The following HPSE2 variants were observed in gnomAD, a reference collection of about 807,000 sequenced individuals.
HPSE2 encodes the protein heparanase 2 (inactive).
A neutral mutation model predicts 60.5 loss-of-function variants in HPSE2; 38 were observed. The observed-to-expected ratio is 0.63, with a 90% CI of 0.48 to 0.82. The LOEUF (loss-of-function observed/expected upper bound fraction) is 0.82. Among genes scored for constraint, HPSE2 ranks in the 40% least tolerant of loss-of-function variants. The pLI is 0.00. For missense variants in HPSE2, 713 were observed against 740.4 expected (o/e 0.96, Z 0.43); for synonymous variants, 295 against 293.2 (o/e 1.01, Z -0.06).
rs1459158965 is a variant in HPSE2, at chr10:98,541,938, T to C, written c.1321-51742A>G. 2.6e-5 allele frequency among the ~76,000 whole-genome samples: 4 copies of C among 151,542 alleles called. No homozygotes were observed. In the East Asian group the frequency reaches 7.9e-4, roughly 30 times the overall value. ...GCAGTAACCTCTGCAGACTTAAATG[T>C]CCCTGTCTGACAGCTTTGAAGAGAG... On this transcript the variant is annotated intron_variant, in intron 9 of 11. Transcript: ENST00000370552.
In HPSE2 at chr10:99,235,545, G is replaced by A; in HGVS notation, c.258C>T (p.Ser86=). 15 of 1,614,066 alleles carry A rather than the reference G, an allele frequency of 9.3e-6. No homozygotes were observed. Among genetic ancestry groups the A allele is most frequent in the Non-Finnish European group, 1.3e-5 (15 of 1,180,012 alleles). ...AATCGAGCCAGCCATCATGAATGATGGACGGATCCAGCTGCAGAGAGAGGA... is the reference window on the plus strand; with the variant it reads ...AATCGAGCCAGCCATCATGAATGATAGACGGATCCAGCTGCAGAGAGAGGA... The part of the protein sequence containing the change: ...ENFLSLQLDP[S]IIHDGWLDFL... Residue 86 remains serine (S), a synonymous_variant, in exon 1 of 12, where the codon TCC becomes TCT. Transcript: ENST00000370552.
chr10:99,294,606 A>C, the HPSE2 span, among the ~76,000 whole-genome samples: 2 of 151,604 alleles, frequency 1.3e-5, no homozygotes, highest in Non-Finnish European at 2.9e-5. Context: ...GTAAATTAGC[A>C]ATCTACTGGG....
At chr10:98,849,471 T>C (rs1952115942) in intron 3 of HPSE2, among the ~76,000 whole-genome samples, 1 of 152,158 alleles carries the variant, frequency 6.6e-6, no homozygotes, top group African/African-American at 2.4e-5. Context: ...CAACCATCCT[T>C]CTGCTTACAA....
At chr10:98,852,155 G>T (rs1565210264) in intron 3 of HPSE2, among the ~76,000 whole-genome samples, 1 of 130,906 alleles carries the variant, frequency 7.6e-6, no homozygotes, top group African/African-American at 3.4e-5. Flanking sequence ...GTGTGTGTGT[G>T]TGTGTGTGTG....
chr10:98,577,681 GC>G (rs1944680305), intron 9 of HPSE2, among the ~76,000 whole-genome samples: 1 of 152,142 alleles, frequency 6.6e-6, no homozygotes, highest in Admixed American at 6.5e-5. Context: ...GTACTTTGGA[GC>G]CCTCATTCCA....
chr10:99,047,666 A>T, intron 3 of HPSE2: 1 of 771,822 alleles, frequency 1.3e-6, no homozygotes, highest in Non-Finnish European at 2.3e-6. Flanking sequence ...GAAGAAGAAG[A>T]CGGTTCCTGC....
rs1243217388 is a variant in HPSE2 at position 99,232,400 on chromosome 10, C to T, written c.396G>A (p.Ala132=). Residue 132 remains alanine (A), a synonymous_variant, in exon 2 of 12, where the codon GCG becomes GCA. Coordinates refer to ENST00000370552, the MANE Select transcript of HPSE2 (RefSeq NM_021828.5). Reference sequence around the variant, plus strand: ...CCGGGCCCGGGCCCCCGCGGCTTTTCGCCGGGTTCCTCAGGTTCTGGAACT... The same window carrying T: ...CCGGGCCCGGGCCCCCGCGGCTTTTTGCCGGGTTCCTCAGGTTCTGGAACT... The part of the protein sequence containing the change: ...FLQFQNLRNP[A]KSRGGPGPDY... 2 of 1,552,104 alleles carry T rather than the reference C, an allele frequency of 1.3e-6. No individual in the cohort carries two copies. Among genetic ancestry groups the T allele is most frequent in the East Asian group, 2.4e-5 (1 of 40,996 alleles).
At chr10:98,973,926 C>T (rs1468092488) in intron 3 of HPSE2, among the ~76,000 whole-genome samples, 1 of 152,020 alleles carries the variant, frequency 6.6e-6, no homozygotes, top group African/African-American at 2.4e-5. Context: ...ACCCCTATTA[C>T]CAATACACCA....
At chr10:99,110,729 T>C (rs1046090609) in intron 3 of HPSE2, among the ~76,000 whole-genome samples, 2 of 152,150 alleles carry the variant, frequency 1.3e-5, no homozygotes, top group African/African-American at 4.8e-5. Context: ...CCAAAAAAAT[T>C]GCAAAAGCAT....
intron 9 of HPSE2, among the ~76,000 whole-genome samples, chr10:98,581,499 TA>T (rs755500956): frequency 1.8e-4 from 28 of 152,234 alleles, no homozygotes; most frequent in Admixed American, 3.3e-4. Context: ...AAATAATATA[TA>T]TATTTTTACT....
In HPSE2 at chr10:98,459,739, C is replaced by A. The variant is rs1237549253; in HGVS notation, c.1614G>T (p.Lys538Asn). ...AGGGCTGGCCATTCAGTTGCACTGACCTACAGTGAGGAAAAACAGTATGGG... is the reference window on the plus strand; with the variant it reads ...AGGGCTGGCCATTCAGTTGCACTGAACTACAGTGAGGAAAAACAGTATGGG... ...QPYGQEGLKS[K>N]SVQLNGQPLV... Residue 538 changes from lysine to asparagine, a missense_variant and splice_region_variant, in exon 12 of 12, where the codon AAG (lysine) becomes AAT (asparagine). Transcript: ENST00000370552. 3.7e-6 allele frequency: 6 copies of A among 1,612,906 alleles called. No individual in the cohort carries two copies. Among genetic ancestry groups the A allele is most frequent in the Non-Finnish European group, 5.1e-6 (6 of 1,179,492 alleles).
intron 9 of HPSE2, among the ~76,000 whole-genome samples, chr10:98,534,351 T>A (rs1481322221): frequency 6.6e-6 from 1 of 152,210 alleles, no homozygotes; most frequent in Non-Finnish European, 1.5e-5. Flanking sequence ...CCTGAGATTT[T>A]TTTCACCCCA....
chr10:98,858,848 C>T (rs2134767190), intron 3 of HPSE2, among the ~76,000 whole-genome samples: 1 of 152,298 alleles, frequency 6.6e-6, no homozygotes, highest in East Asian at 1.9e-4. Context: ...GAATACATTG[C>T]ACCATGGAAA....
At chr10:98,603,451 GAC>G in intron 9 of HPSE2, among the ~76,000 whole-genome samples, 1 of 46,744 alleles carries the variant, frequency 2.1e-5, no homozygotes, top group South Asian at 1.0e-3. Flanking sequence ...TTTTTTTTTT[GAC>G]AGAGTCTTGC....
intron 7 of HPSE2, among the ~76,000 whole-genome samples, chr10:98,622,372 A>G (rs1946096470): frequency 6.6e-6 from 1 of 152,220 alleles, no homozygotes; most frequent in African/African-American, 2.4e-5. Context: ...TGAAAATTAA[A>G]ACAAAAACAA....
At chr10:99,205,720 G>C (rs2133895375) in intron 2 of HPSE2, among the ~76,000 whole-genome samples, 1 of 152,316 alleles carries the variant, frequency 6.6e-6, no homozygotes, top group Middle Eastern at 3.4e-3. Flanking sequence ...ATAAAATGCA[G>C]TATTAAACCA....
At chr10:98,527,356 C>T (rs927364397) in intron 9 of HPSE2, among the ~76,000 whole-genome samples, 2 of 152,206 alleles carry the variant, frequency 1.3e-5, no homozygotes, top group Non-Finnish European at 2.9e-5. Context: ...GTGATCCGCA[C>T]ACTCTGCATG....
intron 3 of HPSE2, among the ~76,000 whole-genome samples, chr10:98,800,074 T>C (rs1390427762): frequency 6.6e-6 from 1 of 151,876 alleles, no homozygotes; most frequent in Non-Finnish European, 1.5e-5. Flanking sequence ...AAGACCCTAA[T>C]AAATAAAACC....
chr10:98,669,762 A>C (rs1204508596), intron 6 of HPSE2, among the ~76,000 whole-genome samples: 1 of 152,284 alleles, frequency 6.6e-6, no homozygotes, highest in East Asian at 1.9e-4. Context: ...GTGGGATGAA[A>C]AACCATCTGT....
Sources: allele counts gnomAD v4.1 joint callset (sites outside exome capture counted in the v4.1 genomes callset), GRCh38; gene constraint gnomAD v4.1.1; transcripts MANE v1.5; gene names NCBI Gene and HGNC (gene_info 2026-07-23, HGNC 2026-07-21).